The following ATP8B4 variants were observed in gnomAD, a reference collection of about 807,000 sequenced individuals.
ATP8B4 encodes the protein ATPase phospholipid transporting 8B4 (putative).
ATP8B4 carries 133 observed loss-of-function variants against 145.6 expected under a neutral mutation model. The ratio of observed to expected loss-of-function variants is 0.91; its 90% confidence interval spans 0.79 to 1.05. The LOEUF is 1.05. Ranked by LOEUF, ATP8B4 falls within the 50% of genes least tolerant of loss-of-function variation. The pLI is 0.00. For synonymous variants in ATP8B4, 507 were observed against 492.9 expected (o/e 1.03, Z -0.38); for missense variants, 1,458 against 1,425.2 (o/e 1.02, Z -0.37).
At chr15:50,014,679 T>C (rs138060027) in intron 6 of ATP8B4, among the ~76,000 whole-genome samples, 80 of 152,322 alleles carry the variant, frequency 5.3e-4, no homozygotes, top group African/African-American at 1.8e-3. Flanking sequence ...ATTATTATTG[T>C]TTATCTGAAA....
chr15:50,022,835 T>C (rs951522173), intron 6 of ATP8B4, among the ~76,000 whole-genome samples: 1 of 152,238 alleles, frequency 6.6e-6, no homozygotes, highest in African/African-American at 2.4e-5. Context: ...AAATGGCAGT[T>C]GCATTTCTCA....
chr15:50,054,786 AAAAAAAAAAAAAAAAAAAAAAAAC>A (rs1353104719), intron 3 of ATP8B4, among the ~76,000 whole-genome samples: 726 of 8,570 alleles, frequency 0.085, 14 homozygotes, highest in African/African-American at 0.3. Flanking sequence ...TCCGCCTCAA[AAAAAAAAAAAAAAAAAAAAAAAAC>A]AAAAAAAAAA....
intron 16 of ATP8B4, among the ~76,000 whole-genome samples, chr15:49,928,732 G>C (rs1161582210): frequency 6.6e-6 from 1 of 152,060 alleles, no homozygotes; most frequent in Non-Finnish European, 1.5e-5. Flanking sequence ...AAGCTTTCAT[G>C]ATTAAAAAGG....
At chr15:50,031,988 G>C (rs751706488) in intron 6 of ATP8B4, among the ~76,000 whole-genome samples, 1 of 152,006 alleles carries the variant, frequency 6.6e-6, no homozygotes, top group Non-Finnish European at 1.5e-5. Context: ...TTACTGTTTG[G>C]GGATTTACAT....
chr15:50,055,809 C>T (rs922619991), intron 3 of ATP8B4, among the ~76,000 whole-genome samples: 1 of 152,152 alleles, frequency 6.6e-6, no homozygotes, highest in Non-Finnish European at 1.5e-5. Flanking sequence ...AGCCAAAAGG[C>T]ATTTGTACCG....
In ATP8B4 at chr15:49,862,250, C is replaced by A. The variant is rs779043944; in HGVS notation, c.3292G>T (p.Asp1098Tyr). 1.9e-6 allele frequency: 3 copies of A among 1,613,168 alleles called. No individual in the cohort carries two copies. The South Asian group carries it at 3.3e-5, about 18-fold the overall frequency. ...TCATCAGCACTGTGACATACCTGATCACTCAGGGTTGGGTATAAATCCACC... is the reference window on the plus strand; with the variant it reads ...TCATCAGCACTGTGACATACCTGATAACTCAGGGTTGGGTATAAATCCACC... Reference protein sequence around the residue: ...LKVDLYPTLSDQIRRWQKAQK... With the variant: ...LKVDLYPTLSYQIRRWQKAQK... Residue 1098 changes from aspartate to tyrosine, a missense_variant, in exon 27 of 28, where the codon GAT becomes TAT. Asp to Tyr is a radical substitution (Grantham distance 160). Transcript: ENST00000284509.
At chr15:50,050,745 ATAAAACATATTAAATATGTTTTATT>A (rs1194770397) in intron 3 of ATP8B4, among the ~76,000 whole-genome samples, 2 of 152,130 alleles carry the variant, frequency 1.3e-5, no homozygotes, top group Non-Finnish European at 2.9e-5. Flanking sequence ...TATGTTTTAT[ATAAAACATATTAAATATGTTTTATT>A]TAACCACTTG....
intron 16 of ATP8B4, 142 bp downstream of exon 16, chr15:49,930,977 G>T: frequency 4.6e-6 from 4 of 875,322 alleles, no homozygotes; most frequent in Non-Finnish European, 5.2e-6. Flanking sequence ...ATTGAGGCTA[G>T]GTTGAGCAAC....
chr15:49,990,800 C>T (rs377342109), intron 9 of ATP8B4, among the ~76,000 whole-genome samples: 47 of 152,314 alleles, frequency 3.1e-4, no homozygotes, highest in African/African-American at 1.1e-3. Flanking sequence ...TGTACTGCAA[C>T]TCTTCCATAA....
At chr15:49,991,955 C>T (rs2047076626) in intron 9 of ATP8B4, among the ~76,000 whole-genome samples, 1 of 152,080 alleles carries the variant, frequency 6.6e-6, no homozygotes, top group African/African-American at 2.4e-5. Context: ...TTTCCCTAAC[C>T]CTCCAATGCT....
At chr15:49,877,900 G>A (rs1779978369) in intron 24 of ATP8B4, among the ~76,000 whole-genome samples, 1 of 152,188 alleles carries the variant, frequency 6.6e-6, no homozygotes, top group Non-Finnish European at 1.5e-5. Context: ...TAAGAGGCCT[G>A]GTTCTAGTCT....
At chr15:50,153,058 T>C (rs2044366608) in intron 1 of ATP8B4, among the ~76,000 whole-genome samples, 1 of 152,134 alleles carries the variant, frequency 6.6e-6, no homozygotes, top group South Asian at 2.1e-4. Context: ...TAAAGGAATG[T>C]AAATAAGAAA....
chr15:49,987,608 A>G (rs2046728173), intron 9 of ATP8B4, 59 bp from the exon 10 acceptor site: 1 of 1,531,586 alleles, frequency 6.5e-7, no homozygotes, highest in Non-Finnish European at 8.9e-7. Context: ...TCTCTTCAGA[A>G]GCCCACAGCA....
intron 2 of ATP8B4, among the ~76,000 whole-genome samples, chr15:50,088,116 G>A (rs1193705125): frequency 1.3e-5 from 2 of 151,890 alleles, no homozygotes; most frequent in African/African-American, 4.8e-5. Context: ...GGTTGGGCAC[G>A]GTGGCTCACA....
At chr15:50,074,319 G>A in intron 2 of ATP8B4, 134 bp from the exon 3 acceptor site, 2 of 760,852 alleles carry the variant, frequency 2.6e-6, no homozygotes, top group Admixed American at 2.8e-5. Flanking sequence ...TGAAGGTATT[G>A]GCTTTTTCCA....
intron 23 of ATP8B4, among the ~76,000 whole-genome samples, chr15:49,891,318 T>C (rs2153422340): frequency 6.6e-6 from 1 of 151,622 alleles, no homozygotes; most frequent in Admixed American, 6.6e-5. Flanking sequence ...AAATACAAGT[T>C]TGTTTGTTTG....
chr15:50,130,877 T>G (rs1189089250), intron 1 of ATP8B4, among the ~76,000 whole-genome samples: 1 of 152,218 alleles, frequency 6.6e-6, no homozygotes, highest in African/African-American at 2.4e-5. Context: ...ATTAGTCCAT[T>G]TTCATACTGA....
chr15:50,115,330 G>A (rs1370848395), intron 1 of ATP8B4, among the ~76,000 whole-genome samples: 1 of 151,782 alleles, frequency 6.6e-6, no homozygotes, highest in East Asian at 1.9e-4. Flanking sequence ...AGAAGACCCT[G>A]TCTCAAAATA....
chr15:50,068,987 G>C (rs2053558562), intron 3 of ATP8B4, among the ~76,000 whole-genome samples: 4 of 152,140 alleles, frequency 2.6e-5, no homozygotes, highest in Admixed American at 2.6e-4. Flanking sequence ...GAATGAGTCT[G>C]GCTGTTTGGC....
Sources: allele counts gnomAD v4.1 joint callset (sites outside exome capture counted in the v4.1 genomes callset), GRCh38; gene constraint gnomAD v4.1.1; transcripts MANE v1.5; gene names NCBI Gene and HGNC (gene_info 2026-07-23, HGNC 2026-07-21).